Variants in CADM2 observed in about 807,000 individuals in gnomAD.
CADM2 encodes the protein cell adhesion molecule 2, also known as immunoglobulin superfamily member 4D.
A neutral mutation model predicts 49.8 loss-of-function variants in CADM2; 12 were observed. The observed-to-expected ratio is 0.24, with a 90% CI of 0.15 to 0.39. The LOEUF is 0.39. CADM2 is among the 10% of genes least tolerant of loss of function. The pLI is 1.00. For missense variants in CADM2, 378 were observed against 492.3 expected, an observed-to-expected ratio of 0.77 and a Z score of 2.20; for synonymous variants, 214 against 175.4, an observed-to-expected ratio of 1.22 and a Z score of -1.74.
intron 1 of CADM2, among the ~76,000 whole-genome samples, chr3:84,992,226 C>T (rs2032931541): frequency 6.6e-6 from 1 of 152,032 alleles, no homozygotes; most frequent in Non-Finnish European, 1.5e-5. Context: ...ACCTTCAGCT[C>T]AATATTGCTG....
At chr3:85,193,807 T>A (rs1028554452) in intron 1 of CADM2, among the ~76,000 whole-genome samples, 1 of 152,128 alleles carries the variant, frequency 6.6e-6, no homozygotes, top group Non-Finnish European at 1.5e-5. Context: ...ACATAAAGGA[T>A]CTTTTAATGT....
In CADM2 at chr3:85,235,403, G is replaced by A. The variant is rs554408651; in HGVS notation, c.61+275735G>A. Among the ~76,000 whole-genome samples the A allele has an allele frequency of 1.3e-3, 202 of 152,066 alleles. 2 individuals are homozygous for A. The highest frequency in any genetic ancestry group is 4.4e-3 in the African/African-American group (184 of 41,514). On this transcript the variant is annotated intron_variant, in intron 1 of 9. Transcript: ENST00000383699. ...TATTACTTATGAATTATATCGGAAT[G>A]GAATATATATTAGTATAAACATTCA...
chr3:85,481,677 G>A (rs1011607724), intron 1 of CADM2, among the ~76,000 whole-genome samples: 3 of 151,620 alleles, frequency 2.0e-5, no homozygotes, highest in African/African-American at 4.8e-5. Context: ...GAGAAGAAAA[G>A]CATTTAATAT....
chr3:85,589,425 A>T (rs1052128687), intron 1 of CADM2, among the ~76,000 whole-genome samples: 1 of 152,044 alleles, frequency 6.6e-6, no homozygotes, highest in Non-Finnish European at 1.5e-5. Flanking sequence ...GACTAGCTGC[A>T]GGACCACTTG....
chr3:85,145,833 A>G (rs2039721526), intron 1 of CADM2, among the ~76,000 whole-genome samples: 2 of 152,156 alleles, frequency 1.3e-5, no homozygotes, highest in African/African-American at 4.8e-5. Flanking sequence ...ATTTACATGG[A>G]ACATATAAGT....
chr3:85,101,328 C>T (rs2038002951), intron 1 of CADM2, among the ~76,000 whole-genome samples: 1 of 152,048 alleles, frequency 6.6e-6, no homozygotes. Flanking sequence ...CATTCTATTG[C>T]CATGCATAGA....
chr3:86,064,983 A>G (rs1337649506), intron 8 of CADM2, among the ~76,000 whole-genome samples: 1 of 152,110 alleles, frequency 6.6e-6, no homozygotes, highest in African/African-American at 2.4e-5. Flanking sequence ...CTTCCCTTTG[A>G]TCAACTACAG....
rs976977261 is a variant in CADM2, at chr3:86,073,843, C to T, written c.*7060C>T. The stretch of plus-strand genomic sequence containing the variant: ...TACATTATCCATCCATTTTAGTTTT[C>T]CTCGATGATGCCCATTTTCTTTGTA... On this transcript the variant is annotated 3_prime_UTR_variant, in exon 10 of 10. Transcript: ENST00000383699. 2 of 151,670 alleles carry T rather than the reference C, an allele frequency of 1.3e-5. No homozygotes were observed. 9.4% of individuals were successfully genotyped at this position (151,670 alleles called of 1,614,324 possible).
At chr3:85,157,346 G>A (rs2040162617) in intron 1 of CADM2, among the ~76,000 whole-genome samples, 1 of 151,040 alleles carries the variant, frequency 6.6e-6, no homozygotes, top group African/African-American at 2.4e-5. Flanking sequence ...CTACTTTAAA[G>A]TTCATATGGA....
intron 2 of CADM2, among the ~76,000 whole-genome samples, chr3:85,794,413 A>T (rs2071504257): frequency 2.0e-5 from 3 of 152,170 alleles, no homozygotes; most frequent in Non-Finnish European, 4.4e-5. Context: ...TAGCTGATTA[A>T]AAGATAAGTA....
At chr3:85,323,324 A>G (rs1305977858) in intron 1 of CADM2, among the ~76,000 whole-genome samples, 2 of 152,046 alleles carry the variant, frequency 1.3e-5, no homozygotes, top group African/African-American at 4.8e-5. Context: ...TCTGCAATAT[A>G]TATGCATTTT....
At chr3:85,722,478 A>C (rs1217791688) in intron 1 of CADM2, among the ~76,000 whole-genome samples, 14 of 152,314 alleles carry the variant, frequency 9.2e-5, no homozygotes, top group Non-Finnish European at 1.3e-4. Context: ...AAAATATTTC[A>C]ATAAAATTCT....
chr3:85,991,809 C>G (rs928388653), intron 8 of CADM2, among the ~76,000 whole-genome samples: 1 of 151,986 alleles, frequency 6.6e-6, no homozygotes, highest in Non-Finnish European at 1.5e-5. Context: ...ATACCATTTT[C>G]GTGTTAAAAT....
chr3:85,907,060 T>G (rs555688026), intron 5 of CADM2, among the ~76,000 whole-genome samples: 8 of 152,206 alleles, frequency 5.3e-5, no homozygotes, highest in Non-Finnish European at 8.8e-5. Flanking sequence ...TGTGAAGCAG[T>G]AATTACAACA....
intron 1 of CADM2, among the ~76,000 whole-genome samples, chr3:85,107,749 G>T (rs1257619432): frequency 1.4e-5 from 2 of 139,364 alleles, no homozygotes; most frequent in South Asian, 2.3e-4. Context: ...GCCCAGGCTG[G>T]AGTACAATGG....
chr3:85,585,065 C>T (rs892752836), intron 1 of CADM2, among the ~76,000 whole-genome samples: 1 of 151,920 alleles, frequency 6.6e-6, no homozygotes, highest in Admixed American at 6.6e-5. Flanking sequence ...ACAATTCATA[C>T]CTCTTAAATT....
intron 1 of CADM2, among the ~76,000 whole-genome samples, chr3:85,279,707 G>T (rs2043452960): frequency 6.6e-6 from 1 of 151,374 alleles, no homozygotes; most frequent in South Asian, 2.1e-4. Flanking sequence ...TACTGAAGCA[G>T]ATATCTGAAT....
At chr3:85,459,276 AG>A (rs746556500) in intron 1 of CADM2, among the ~76,000 whole-genome samples, 14 of 152,156 alleles carry the variant, frequency 9.2e-5, no homozygotes, top group East Asian at 1.9e-4. Flanking sequence ...AACCAAAAAA[AG>A]GGAAAACATT....
chr3:86,014,699 G>A (rs114612207), intron 8 of CADM2: 18,071 of 1,529,812 alleles, frequency 0.012, 127 homozygotes, highest in Non-Finnish European at 0.014. Context: ...ATACACCGGA[G>A]GAACACCATG....
Sources: gnomAD v4.1 joint callset for allele counts (sites outside exome capture counted in the v4.1 genomes callset) on GRCh38, gnomAD v4.1.1 for gene constraint, MANE v1.5 for transcripts, NCBI Gene and HGNC (gene_info 2026-07-23, HGNC 2026-07-21) for gene names.